The following THSD4 variants were observed in gnomAD, a reference collection of about 807,000 sequenced individuals.
The protein encoded by THSD4 is thrombospondin type 1 domain containing 4.
THSD4 carries 69 observed loss-of-function variants against 119.0 expected under a neutral mutation model. The ratio of observed to expected loss-of-function variants is 0.58; its 90% CI spans 0.48 to 0.71. The LOEUF (loss-of-function observed/expected upper bound fraction) is 0.71, where lower values mean the gene tolerates loss of function less well. THSD4 is among the 30% of genes least tolerant of loss of function. The pLI, the probability that THSD4 is intolerant of heterozygous loss-of-function variation, is 0.00. For synonymous variants in THSD4, 524 were observed against 540.4 expected, an observed-to-expected ratio of 0.97 and a Z score of 0.42; for missense variants, 1,393 against 1,391.1, an observed-to-expected ratio of 1.00 and a Z score of -0.02.
chr15:71,692,838 C>G (rs2052083400), intron 8 of THSD4, among the ~76,000 whole-genome samples: 1 of 152,158 alleles, frequency 6.6e-6, no homozygotes. Context: ...GAAATGCTGA[C>G]CGAGGTCATA....
At chr15:71,573,108 C>G (rs2049388982) in intron 7 of THSD4, among the ~76,000 whole-genome samples, 1 of 152,116 alleles carries the variant, frequency 6.6e-6, no homozygotes, top group Admixed American at 6.5e-5. Flanking sequence ...ACTGTGGCAT[C>G]TGCAGGAGGG....
chr15:71,725,321 G>A (rs182997477), intron 8 of THSD4, among the ~76,000 whole-genome samples: 1 of 151,968 alleles, frequency 6.6e-6, no homozygotes, highest in Admixed American at 6.6e-5. Flanking sequence ...CTGGCAAGGA[G>A]GTAATTACAT....
At chr15:71,332,366 A>G (rs1274005159) in intron 6 of THSD4, among the ~76,000 whole-genome samples, 1 of 152,194 alleles carries the variant, frequency 6.6e-6, no homozygotes, top group African/African-American at 2.4e-5. Context: ...TAAGAGATGA[A>G]TGTATGGTAA....
At chr15:71,213,680 G>C (rs1385855729) in intron 3 of THSD4, among the ~76,000 whole-genome samples, 2 of 152,320 alleles carry the variant, frequency 1.3e-5, no homozygotes, top group Middle Eastern at 3.4e-3. Context: ...GGCACAGTAG[G>C]TCTCTGAAAT....
rs1425345443 is a variant in THSD4, at chr15:71,634,377, C to T, written c.1153-26153C>T. ...TTCCTTGGGAACACCAGTCTTGTAT[C>T]TGCATCACCAGCTTCTAGCTCAGTA... On this transcript the variant is annotated intron_variant, in intron 7 of 17. Coordinates refer to ENST00000261862, the MANE Select transcript of THSD4 (RefSeq NM_024817.3). Among the ~76,000 whole-genome samples, 8 of 152,224 alleles carry T rather than the reference C, an allele frequency of 5.3e-5. No individual in the cohort carries two copies. The East Asian group carries it at 1.5e-3, about 29-fold the overall frequency.
intron 7 of THSD4, among the ~76,000 whole-genome samples, chr15:71,513,628 C>T (rs1325991816): frequency 4.6e-5 from 7 of 152,040 alleles, no homozygotes; most frequent in South Asian, 2.1e-4. Context: ...TGCTGATGGG[C>T]GTGTAAAATG....
At chr15:71,462,372 G>C (rs911637634) in intron 7 of THSD4, among the ~76,000 whole-genome samples, 2 of 152,072 alleles carry the variant, frequency 1.3e-5, no homozygotes, top group African/African-American at 2.4e-5. Context: ...GCCCAGGCTG[G>C]TCTCAAACTC....
intron 4 of THSD4, among the ~76,000 whole-genome samples, chr15:71,235,300 T>C (rs1471002285): frequency 6.6e-6 from 1 of 152,320 alleles, no homozygotes; most frequent in East Asian, 1.9e-4. Flanking sequence ...CTTGGGAGTT[T>C]AGCCTTGATA....
At chr15:71,487,494 G>C (rs1365726822) in intron 7 of THSD4, among the ~76,000 whole-genome samples, 1 of 152,162 alleles carries the variant, frequency 6.6e-6, no homozygotes, top group East Asian at 1.9e-4. Context: ...TGAGCATCTT[G>C]ATAGCTGTAA....
At chr15:71,190,385 G>A (rs2043660746) in intron 3 of THSD4, among the ~76,000 whole-genome samples, 1 of 152,182 alleles carries the variant, frequency 6.6e-6, no homozygotes, top group Non-Finnish European at 1.5e-5. Flanking sequence ...AAAACAAAAA[G>A]AAAACCAGAC....
At chr15:71,185,115 A>G (rs1190510955) in intron 3 of THSD4, among the ~76,000 whole-genome samples, 1 of 151,724 alleles carries the variant, frequency 6.6e-6, no homozygotes, top group Non-Finnish European at 1.5e-5. Context: ...TAATACCTAC[A>G]TTTCCTAAGA....
At chr15:71,323,018 G>C (rs112327217) in intron 6 of THSD4, among the ~76,000 whole-genome samples, 19,392 of 150,278 alleles carry the variant, frequency 0.13, 1,310 homozygotes, top group Middle Eastern at 0.17. Flanking sequence ...GATCACCTGA[G>C]CCTGGGAGGT....
intron 1 of THSD4, among the ~76,000 whole-genome samples, chr15:71,098,411 T>C (rs2040240888): frequency 6.6e-6 from 1 of 151,942 alleles, no homozygotes; most frequent in Admixed American, 6.6e-5. Flanking sequence ...TTTGTATTTT[T>C]GTAGAGACAT....
rs1432631361 is a variant in THSD4 at position 71,256,733 on chromosome 15, C to T, written c.1015+18C>T. On this transcript the variant is annotated intron_variant, in intron 6 of 17. Transcript: ENST00000261862. ...TGCAGAAGGTAAGAATAGACCCAGCCCTGTCCATAGAAGTTACTTTAGTCT... is the reference window on the plus strand; with the variant it reads ...TGCAGAAGGTAAGAATAGACCCAGCTCTGTCCATAGAAGTTACTTTAGTCT... 1.2e-6 allele frequency: 2 copies of T among 1,602,370 alleles called. No homozygotes were observed. Among genetic ancestry groups the T allele is most frequent in the East Asian group, 2.2e-5 (1 of 44,730 alleles).
intron 7 of THSD4, among the ~76,000 whole-genome samples, chr15:71,434,417 A>G (rs1003542282): frequency 6.6e-6 from 1 of 151,056 alleles, no homozygotes; most frequent in African/African-American, 2.4e-5. Context: ...CCCAAAACAA[A>G]AAGAGGTCAG....
At chr15:71,660,121 A>G (rs928572365) in intron 7 of THSD4, among the ~76,000 whole-genome samples, 2 of 152,198 alleles carry the variant, frequency 1.3e-5, no homozygotes, top group East Asian at 1.9e-4. Context: ...AGTAGCATCT[A>G]TAAGAAGACA....
At chr15:71,684,613 T>A (rs929185701) in intron 8 of THSD4, among the ~76,000 whole-genome samples, 1 of 152,090 alleles carries the variant, frequency 6.6e-6, no homozygotes, top group Non-Finnish European at 1.5e-5. Flanking sequence ...CTTGAATTCC[T>A]GGATTATACC....
At chr15:71,711,096 C>CACATATAT (rs34863457) in intron 8 of THSD4, among the ~76,000 whole-genome samples, 1 of 129,398 alleles carries the variant, frequency 7.7e-6, no homozygotes, top group African/African-American at 2.7e-5. Context: ...TATATATATA[C>CACATATAT]ATATATATAT....
intron 7 of THSD4, among the ~76,000 whole-genome samples, chr15:71,636,397 TG>T (rs2050740517): frequency 6.6e-6 from 1 of 152,052 alleles, no homozygotes; most frequent in Non-Finnish European, 1.5e-5. Flanking sequence ...CACTCCAGCC[TG>T]GGCAACAGAG....
Sources: gnomAD v4.1 joint callset for allele counts (sites outside exome capture counted in the v4.1 genomes callset) on GRCh38, gnomAD v4.1.1 for gene constraint, MANE v1.5 for transcripts, NCBI Gene and HGNC (gene_info 2026-07-23, HGNC 2026-07-21) for gene names.